WNK3: variants seen among roughly 807,000 people sequenced by gnomAD.
WNK3 encodes WNK lysine deficient protein kinase 3, also known as serine/threonine-protein kinase WNK3.
In WNK3, 18 loss-of-function variants were observed where a neutral mutation model predicts 116.7. The ratio of observed to expected loss-of-function variants is 0.15; its 90% CI spans 0.11 to 0.23. WNK3 has a LOEUF of 0.23. WNK3 is among the 10% of genes least tolerant of loss of function. The pLI, the probability that WNK3 is intolerant of heterozygous loss-of-function variation, is 1.00. For missense variants in WNK3, 993 were observed against 1,323.8 expected, an observed-to-expected ratio of 0.75 and a Z score of 3.88; for synonymous variants, 404 against 469.4, an observed-to-expected ratio of 0.86 and a Z score of 1.80.
intron 2 of WNK3, among the ~76,000 whole-genome samples, chrX:54,315,240 T>C (rs1234427064): frequency 2.8e-5 from 3 of 105,380 alleles, no homozygotes; most frequent in Admixed American, 1.0e-4. Flanking sequence ...GAGGTGGAGG[T>C]TGCAGCAAGC....
intron 2 of WNK3, among the ~76,000 whole-genome samples, chrX:54,332,077 C>T (rs1041256481): frequency 1.8e-5 from 2 of 111,797 alleles, no homozygotes; most frequent in African/African-American, 3.2e-5. Flanking sequence ...CAGAGGTTTT[C>T]CTTATATTTG....
intron 8 of WNK3, among the ~76,000 whole-genome samples, chrX:54,293,574 C>T (rs1477757867): frequency 1.8e-5 from 2 of 111,958 alleles, no homozygotes; most frequent in Non-Finnish European, 3.8e-5. Context: ...AACAGAGAAT[C>T]AGATAAAAAT....
chrX:54,207,054 A>G (rs1273849178), intron 22 of WNK3, among the ~76,000 whole-genome samples: 1 of 109,921 alleles, frequency 9.1e-6, no homozygotes, highest in Non-Finnish European at 1.9e-5. Flanking sequence ...GTAAAAAATA[A>G]TATGAGTGAA....
exon 13 of WNK3, chrX:54,254,059 T>C: frequency 8.4e-7 from 1 of 1,196,054 alleles, no homozygotes; most frequent in Non-Finnish European, 1.1e-6. Context: ...TACCATGTTA[T>C]CTCCAGAGGT....
At chrX:54,345,461 G>A (rs1365461412) in intron 1 of WNK3, among the ~76,000 whole-genome samples, 1 of 110,513 alleles carries the variant, frequency 9.0e-6, no homozygotes, top group African/African-American at 3.3e-5. Context: ...ATTTCCCAGA[G>A]TTTTAAAAAT....
At chrX:54,235,953 T>C (rs1381545945) in intron 20 of WNK3, among the ~76,000 whole-genome samples, 1 of 111,773 alleles carries the variant, frequency 8.9e-6, no homozygotes, top group Non-Finnish European at 1.9e-5. Context: ...ATAGACTAAC[T>C]GGATATACAA....
At chrX:54,271,494 T>A (rs1351524166) in intron 10 of WNK3, among the ~76,000 whole-genome samples, 15 of 111,575 alleles carry the variant, frequency 1.3e-4, no homozygotes, top group African/African-American at 4.9e-4. Context: ...CTTAGCAAAA[T>A]TTAAAAATCA....
intron 22 of WNK3, among the ~76,000 whole-genome samples, chrX:54,217,108 G>A (rs183700586): frequency 2.8e-5 from 3 of 107,869 alleles, no homozygotes; most frequent in South Asian, 4.1e-4. Context: ...TCACGAGGTC[G>A]GAGATCGAGA....
intron 17 of WNK3, among the ~76,000 whole-genome samples, chrX:54,247,091 T>C (rs1272107019): frequency 1.8e-5 from 2 of 111,611 alleles, no homozygotes; most frequent in Non-Finnish European, 1.9e-5. Context: ...TGCAATATAT[T>C]TGAAAATATT....
chrX:54,294,999 C>T (rs1418042877), intron 7 of WNK3, 152 bp from the exon 8 acceptor site: 2 of 397,060 alleles, frequency 5.0e-6, no homozygotes, highest in East Asian at 4.5e-5. Flanking sequence ...TAGGTTCAAG[C>T]GATTCTCCTG....
Position 54,275,415 on chromosome X carries a change from ATGTGTGTGTGTG to A in WNK3, c.2038-16089_2038-16078del, listed in dbSNP as rs782672834. Among the ~76,000 whole-genome samples the A allele has an allele frequency of 4.3e-3, 278 of 64,428 alleles. 2 individuals are homozygous for A. Among genetic ancestry groups the A allele is most frequent in the African/African-American group, 9.0e-3 (168 of 18,616 alleles). The allele number at this position is 64,428 out of a possible 115,157, so 55.9% of individuals were successfully genotyped here. ...CGGTATCTGTAGGGTATAAGTTCATATGTGTGTGTGTGTGTGTGTGTGTGTGTGTGTGTGTGT... is the reference window on the plus strand; with the variant it reads ...CGGTATCTGTAGGGTATAAGTTCATATGTGTGTGTGTGTGTGTGTGTGTGT... On this transcript the variant is annotated intron_variant, in intron 10 of 23. Coordinates refer to ENST00000354646, the Ensembl canonical transcript of WNK3.
chrX:54,295,839 C>T lies in WNK3; in HGVS notation c.1399-992G>A, dbSNP rs189969131. The stretch of plus-strand genomic sequence containing the variant: ...AGTAGCTGGGATCACAGGCATGCAC[C>T]ACCACACCTGGCTAATTTTTAATTT... On this transcript the variant is annotated intron_variant, in intron 7 of 23. Coordinates refer to ENST00000354646, the Ensembl canonical transcript of WNK3. Among the ~76,000 whole-genome samples, 4 of 111,027 alleles carry T rather than the reference C, an allele frequency of 3.6e-5. No individual in the cohort carries two copies. The East Asian group carries it at 1.1e-3, about 31-fold the overall frequency.
intron 10 of WNK3, among the ~76,000 whole-genome samples, chrX:54,266,223 T>C (rs782457358): frequency 4.3e-4 from 48 of 111,432 alleles, no homozygotes; most frequent in African/African-American, 1.4e-3. Context: ...TTCTCACTTA[T>C]GTGTGGGAGC....
At chrX:54,338,419 T>C (rs1393116017) in intron 1 of WNK3, among the ~76,000 whole-genome samples, 1 of 105,081 alleles carries the variant, frequency 9.5e-6, no homozygotes, top group African/African-American at 3.5e-5. Flanking sequence ...AAGAACCTGT[T>C]TAAAAAAAAA....
At chrX:54,323,059 A>G (rs1224448473) in intron 2 of WNK3, among the ~76,000 whole-genome samples, 1 of 111,657 alleles carries the variant, frequency 9.0e-6, no homozygotes, top group African/African-American at 3.2e-5. Context: ...CAAAAGTTTA[A>G]AAGAAAACAG....
intron 10 of WNK3, among the ~76,000 whole-genome samples, chrX:54,282,249 T>C (rs1380611994): frequency 9.1e-6 from 1 of 110,061 alleles, no homozygotes; most frequent in Non-Finnish European, 1.9e-5. Flanking sequence ...CTCACTATGT[T>C]GCCCAGGTTG....
intron 2 of WNK3, among the ~76,000 whole-genome samples, chrX:54,324,802 T>C (rs1410270563): frequency 2.7e-5 from 3 of 112,674 alleles, no homozygotes; most frequent in African/African-American, 9.7e-5. Context: ...CAAAATTAAA[T>C]GTCCCAGTGC....
At chrX:54,345,272 AAC>A (rs1569539563) in intron 1 of WNK3, among the ~76,000 whole-genome samples, 3 of 67,399 alleles carry the variant, frequency 4.5e-5, no homozygotes, top group Non-Finnish European at 6.3e-5. Flanking sequence ...CAACAACAAC[AAC>A]TATATATATA....
At chrX:54,331,820 A>T (rs1409504275) in intron 2 of WNK3, among the ~76,000 whole-genome samples, 2 of 112,020 alleles carry the variant, frequency 1.8e-5, no homozygotes, top group Non-Finnish European at 3.8e-5. Context: ...AAACCATGGC[A>T]TTAAACAAAA....
Sources: gnomAD v4.1 joint callset for allele counts (sites outside exome capture counted in the v4.1 genomes callset) on GRCh38, gnomAD v4.1.1 for gene constraint, MANE v1.5 for transcripts, NCBI Gene and HGNC (gene_info 2026-07-23, HGNC 2026-07-21) for gene names.